The following FLVCR2 variants were observed in gnomAD, a reference collection of about 807,000 sequenced individuals.
FLVCR2 encodes choline/ethanolamine transporter FLVCR2.
A neutral mutation model predicts 48.9 loss-of-function variants in FLVCR2; 38 were observed. The ratio of observed to expected loss-of-function variants is 0.78; its 90% CI spans 0.60 to 1.02. The LOEUF is 1.02. Among genes scored for constraint, FLVCR2 ranks in the 50% least tolerant of loss-of-function variants. The pLI, the probability that FLVCR2 is intolerant of heterozygous loss-of-function variation, is 0.00. For synonymous variants in FLVCR2, 255 were observed against 257.0 expected, an observed-to-expected ratio of 0.99 and a Z score of 0.07; for missense variants, 664 against 663.3, an observed-to-expected ratio of 1.00 and a Z score of -0.01.
At chr14:75,640,300 T>A (rs1642694097) in intron 6 of FLVCR2, among the ~76,000 whole-genome samples, 1 of 151,886 alleles carries the variant, frequency 6.6e-6, no homozygotes, top group Admixed American at 6.6e-5. Context: ...GTTGGAATTT[T>A]CTAGACCTGT....
rs1010156600 is a variant in FLVCR2, at chr14:75,647,231, T to G, written c.*759T>G. On this transcript the variant is annotated 3_prime_UTR_variant, in exon 10 of 10. Transcript: ENST00000238667. ...GCACATATTTGGGAACTCTGGTAGC[T>G]TGAGTTGGGAATGGGAAGGTTCTTT... 3 of 152,346 alleles carry G rather than the reference T, an allele frequency of 2.0e-5. No individual in the cohort carries two copies. The highest frequency in any genetic ancestry group is 7.2e-5 in the African/African-American group (3 of 41,444). 9.4% of individuals were successfully genotyped at this position (152,346 alleles called of 1,614,324 possible). A position where few individuals can be genotyped will look rare whatever the true frequency, so the allele number is the denominator to read the frequency against.
intron 3 of FLVCR2, among the ~76,000 whole-genome samples, chr14:75,630,015 C>T (rs1167649620): frequency 6.6e-6 from 1 of 152,148 alleles, no homozygotes; most frequent in Non-Finnish European, 1.5e-5. Flanking sequence ...GGAGCTTTGC[C>T]GAGGTCAAGC....
At chr14:75,581,461 C>T (rs529487823) in intron 1 of FLVCR2, among the ~76,000 whole-genome samples, 4 of 151,756 alleles carry the variant, frequency 2.6e-5, no homozygotes, top group South Asian at 2.1e-4. Flanking sequence ...AGATTGAGGA[C>T]GGTAAGGGGT....
chr14:75,595,675 CAG>C (rs1409653893), intron 1 of FLVCR2: 16 of 589,828 alleles, frequency 2.7e-5, no homozygotes, highest in Non-Finnish European at 4.2e-5. Context: ...TGACAGCAAA[CAG>C]AGTGCTTGCT....
intron 8 of FLVCR2, 40 bp from the exon 9 acceptor site, chr14:75,641,803 G>T (rs934855767): frequency 5.1e-6 from 8 of 1,557,558 alleles, no homozygotes; most frequent in Non-Finnish European, 7.1e-6. Flanking sequence ...CGTGATAACT[G>T]TATTTTTGTC....
chr14:75,637,744 A>G (rs1193628896), intron 5 of FLVCR2, among the ~76,000 whole-genome samples: 10 of 151,446 alleles, frequency 6.6e-5, no homozygotes, highest in Non-Finnish European at 4.4e-5. Flanking sequence ...AAAAAAAAAA[A>G]AGAAAGAAAA....
At chr14:75,594,350 C>A (rs1888964750) in intron 1 of FLVCR2, among the ~76,000 whole-genome samples, 1 of 152,234 alleles carries the variant, frequency 6.6e-6, no homozygotes, top group Admixed American at 6.5e-5. Flanking sequence ...ACTTTTCTCT[C>A]CTGATCCTCC....
rs189538605 is a variant in FLVCR2, at chr14:75,606,517, C to T, written c.670-15562C>T. 9.8e-5 allele frequency among the ~76,000 whole-genome samples: 15 copies of T among 152,312 alleles called. No homozygotes were observed. The East Asian group carries it at 2.9e-3, about 29-fold the overall frequency. Reference sequence around the variant, plus strand: ...TCTGCTGAGAAGCTAGACAGGAACACACCTCTCTCCCACCATTCCTGCCTA... The same window carrying T: ...TCTGCTGAGAAGCTAGACAGGAACATACCTCTCTCCCACCATTCCTGCCTA... On this transcript the variant is annotated intron_variant, in intron 1 of 9. Transcript: ENST00000238667.
chr14:75,641,710 A>G, intron 8 of FLVCR2, 133 bp from the exon 9 acceptor site: 1 of 827,430 alleles, frequency 1.2e-6, no homozygotes, highest in Non-Finnish European at 2.1e-6. Flanking sequence ...TGGTGCCCTC[A>G]GTCACCAGCT....
intron 1 of FLVCR2, chr14:75,596,118 GGGTGAA>G: frequency 1.1e-6 from 1 of 912,896 alleles, no homozygotes; most frequent in Non-Finnish European, 1.8e-6. Context: ...TGCCTTCCCA[GGGTGAA>G]GGATATCAAT....
At chr14:75,640,779 G>C (rs1890290886) in intron 6 of FLVCR2, 176 bp from the exon 7 acceptor site, 1 of 657,792 alleles carries the variant, frequency 1.5e-6, no homozygotes, top group Non-Finnish European at 2.8e-6. Context: ...TGGCCTTCAG[G>C]GGTGCCCGTC....
intron 1 of FLVCR2, among the ~76,000 whole-genome samples, chr14:75,618,703 G>A (rs1346755825): frequency 6.6e-6 from 1 of 152,164 alleles, no homozygotes; most frequent in African/African-American, 2.4e-5. Flanking sequence ...GAGGTTTCCT[G>A]TCAAATGAAT....
At position 75,624,690 on chromosome 14, in the gene FLVCR2, A is replaced by G. The variant is rs140848651; in HGVS notation, c.890A>G (p.Tyr297Cys). ...GCCTTGACCTCTCCTGATGCCTCAT[A>G]CTTAGGTTCCATCGCCCGGCTCTTC... ...SYALTSPDAS[Y>C]LGSIARLFKN... Residue 297 changes from tyrosine to cysteine, a missense_variant, in exon 3 of 10, where the codon TAC becomes TGC. Physicochemically the swap from Tyr to Cys is radical, Grantham distance 194. Coordinates refer to ENST00000238667, the MANE Select transcript of FLVCR2 (RefSeq NM_017791.3). 7 of 1,613,930 alleles carry G rather than the reference A, an allele frequency of 4.3e-6. No homozygotes were observed. In the African/African-American group the frequency reaches 9.4e-5, roughly 22 times the overall value.
At chr14:75,588,989 G>A (rs573351263) in intron 1 of FLVCR2, among the ~76,000 whole-genome samples, 1 of 152,190 alleles carries the variant, frequency 6.6e-6, no homozygotes, top group African/African-American at 2.4e-5. Flanking sequence ...CGTTCATGAT[G>A]AGGCAAATTC....
At position 75,634,999 on chromosome 14, in the gene FLVCR2, G is replaced by A. The variant is rs754105043; in HGVS notation, c.1110G>A (p.Arg370=). The A allele has an allele frequency of 6.2e-7, 1 of 1,610,730 alleles. No homozygotes were observed. The highest frequency in any genetic ancestry group is 2.2e-5 in the East Asian group (1 of 44,878). ...TGATCTCAGGAATCTGGCTGGATAG[G>A]TCCAAAACCTACAAGTAAGTGACTC... The part of the protein sequence containing the change: ...GAVISGIWLD[R]SKTYKETTLV... The change falls in exon 5 of 10, where the codon AGG becomes AGA. Residue 370 remains arginine (R), a synonymous_variant. Coordinates refer to ENST00000238667, the MANE Select transcript of FLVCR2 (RefSeq NM_017791.3).
chr14:75,637,231 T>C (rs1428727159), intron 5 of FLVCR2, among the ~76,000 whole-genome samples: 1 of 152,216 alleles, frequency 6.6e-6, no homozygotes, highest in Non-Finnish European at 1.5e-5. Flanking sequence ...TGAGCTTCAG[T>C]TTCTTCATTG....
chr14:75,587,507 G>A (rs1204306762), intron 1 of FLVCR2, among the ~76,000 whole-genome samples: 2 of 152,152 alleles, frequency 1.3e-5, no homozygotes, highest in African/African-American at 4.8e-5. Context: ...GTATTGTCAA[G>A]AAGGTGAGGG....
At chr14:75,585,813 C>T (rs886732122) in intron 1 of FLVCR2, among the ~76,000 whole-genome samples, 8 of 152,086 alleles carry the variant, frequency 5.3e-5, no homozygotes, top group Admixed American at 6.5e-5. Context: ...TCCTTTATCT[C>T]TACTAGAGAG....
At chr14:75,579,729 G>T in intron 1 of FLVCR2, 88 bp downstream of exon 1, 2 of 1,416,862 alleles carry the variant, frequency 1.4e-6, no homozygotes, top group Non-Finnish European at 9.8e-7. Flanking sequence ...TTTGCTGATT[G>T]TCCAACAGTG....
Sources: gnomAD v4.1 joint callset for allele counts (sites outside exome capture counted in the v4.1 genomes callset) on GRCh38, gnomAD v4.1.1 for gene constraint, MANE v1.5 for transcripts, NCBI Gene and HGNC (gene_info 2026-07-23, HGNC 2026-07-21) for gene names.